Variants in LGSN observed in about 807,000 individuals in gnomAD.
LGSN encodes the protein lengsin, lens protein with glutamine synthetase domain.
A neutral mutation model predicts 19.5 loss-of-function variants in LGSN; 21 were observed. The ratio of observed to expected loss-of-function variants is 1.07; its 90% confidence interval spans 0.76 to 1.55. The LOEUF is 1.55. Ranked by LOEUF, LGSN falls within the 40% of genes most tolerant of loss-of-function variation. The probability of loss-of-function intolerance (pLI) is 0.00; values close to 1 mark genes in which losing one functional copy is unlikely to be tolerated. For missense variants in LGSN, 673 were observed against 608.5 expected (o/e 1.11, Z -1.12); for synonymous variants, 257 against 215.6 (o/e 1.19, Z -1.68).
chr6:63,433,268 G>A, the LGSN span, among the ~76,000 whole-genome samples: 1 of 152,124 alleles, frequency 6.6e-6, no homozygotes, highest in East Asian at 1.9e-4. Flanking sequence ...TACAAATAGA[G>A]TAATCAAATA....
At chr6:63,526,833 A>ATATATATATATT in the LGSN span, among the ~76,000 whole-genome samples, 56 of 128,022 alleles carry the variant, frequency 4.4e-4, no homozygotes, top group African/African-American at 9.7e-4. Context: ...ATATATATAT[A>ATATATATATATT]TATTTATTTA....
chr6:63,504,596 C>T, the LGSN span, among the ~76,000 whole-genome samples: 1 of 152,128 alleles, frequency 6.6e-6, no homozygotes, highest in African/African-American at 2.4e-5. Context: ...GCGTGCACCA[C>T]CATGCCCGTC....
chr6:63,357,396 A>C, the LGSN span, among the ~76,000 whole-genome samples: 1 of 152,328 alleles, frequency 6.6e-6, no homozygotes, highest in Non-Finnish European at 1.5e-5. Flanking sequence ...TAGATCCCTG[A>C]AGAATTGCCA....
At chr6:63,407,082 C>T in the LGSN span, among the ~76,000 whole-genome samples, 2 of 151,894 alleles carry the variant, frequency 1.3e-5, no homozygotes, top group Non-Finnish European at 2.9e-5. Context: ...GGATTCACAG[C>T]CAAATTCTAC....
At chr6:63,397,754 C>T in the LGSN span, among the ~76,000 whole-genome samples, 1 of 152,032 alleles carries the variant, frequency 6.6e-6, no homozygotes, top group African/African-American at 2.4e-5. Context: ...CCCATCTCTA[C>T]TAAAAATGCA....
the LGSN span, among the ~76,000 whole-genome samples, chr6:63,500,038 A>G: frequency 2.0e-5 from 3 of 152,280 alleles, no homozygotes; most frequent in African/African-American, 4.8e-5. Context: ...TGAAAGAGGC[A>G]TATTCCTCAA....
intron 1 of LGSN, among the ~76,000 whole-genome samples, chr6:63,301,271 A>G (rs1332661666): frequency 2.6e-5 from 4 of 152,192 alleles, no homozygotes; most frequent in African/African-American, 4.8e-5. Flanking sequence ...AGCCTGGGTG[A>G]CAGAATGAGA....
chr6:63,329,457 C>T, the LGSN span, among the ~76,000 whole-genome samples: 7 of 152,306 alleles, frequency 4.6e-5, no homozygotes, highest in South Asian at 1.4e-3. Flanking sequence ...CTCCACTGAC[C>T]GTTCGGTTTT....
At chr6:63,348,805 G>T in the LGSN span, among the ~76,000 whole-genome samples, 1 of 147,308 alleles carries the variant, frequency 6.8e-6, no homozygotes. Flanking sequence ...TGCCCGGGCT[G>T]GTCTCGAAAT....
At chr6:63,486,018 C>A in the LGSN span, among the ~76,000 whole-genome samples, 1 of 152,082 alleles carries the variant, frequency 6.6e-6, no homozygotes, top group African/African-American at 2.4e-5. Flanking sequence ...GTGTGAGCCA[C>A]CACACCCGGC....
chr6:63,515,524 C>T, the LGSN span, among the ~76,000 whole-genome samples: 1 of 152,166 alleles, frequency 6.6e-6, no homozygotes, highest in Non-Finnish European at 1.5e-5. Context: ...AGCCACCCCA[C>T]CTGGCCTCTA....
the LGSN span, among the ~76,000 whole-genome samples, chr6:63,529,139 A>ATATATATGTGTG: frequency 7.9e-6 from 1 of 127,022 alleles, no homozygotes; most frequent in African/African-American, 3.6e-5. Flanking sequence ...ATGTGTGTGT[A>ATATATATGTGTG]TATATATATG....
chr6:63,509,975 G>T, the LGSN span, among the ~76,000 whole-genome samples: 1 of 152,162 alleles, frequency 6.6e-6, no homozygotes, highest in Non-Finnish European at 1.5e-5. Flanking sequence ...ATGAGTATGT[G>T]ATAATTATAA....
chr6:63,534,220 T>A, the LGSN span, among the ~76,000 whole-genome samples: 7 of 151,360 alleles, frequency 4.6e-5, no homozygotes, highest in African/African-American at 1.7e-4. Flanking sequence ...CAATTACGTT[T>A]AAAAAAAAAG....
chr6:63,554,533 C>A, the LGSN span, among the ~76,000 whole-genome samples: 1 of 152,168 alleles, frequency 6.6e-6, no homozygotes, highest in African/African-American at 2.4e-5. Flanking sequence ...CACGGTGGCT[C>A]ACACCTGTAA....
the LGSN span, among the ~76,000 whole-genome samples, chr6:63,523,675 T>C: frequency 1.3e-4 from 20 of 152,220 alleles, no homozygotes; most frequent in Non-Finnish European, 2.2e-4. Context: ...CAGGACACTT[T>C]CAATATGGCC....
chr6:63,422,369 A>G, the LGSN span, among the ~76,000 whole-genome samples: 1 of 152,044 alleles, frequency 6.6e-6, no homozygotes, highest in Non-Finnish European at 1.5e-5. Context: ...TGGTCCCCCA[A>G]AAAAATCTTA....
the LGSN span, among the ~76,000 whole-genome samples, chr6:63,355,771 C>A: frequency 6.6e-6 from 1 of 152,184 alleles, no homozygotes; most frequent in African/African-American, 2.4e-5. Context: ...CTCTGCCTCC[C>A]AGGTACAAGC....
the LGSN span, among the ~76,000 whole-genome samples, chr6:63,505,457 A>G: frequency 6.7e-6 from 1 of 150,348 alleles, no homozygotes; most frequent in Non-Finnish European, 1.5e-5. Context: ...ACATACCTGT[A>G]GTCCCAGCTA....
Sources: gnomAD v4.1 joint callset for allele counts (sites outside exome capture counted in the v4.1 genomes callset) on GRCh38, gnomAD v4.1.1 for gene constraint, MANE v1.5 for transcripts, NCBI Gene and HGNC (gene_info 2026-07-23, HGNC 2026-07-21) for gene names.